The following TRAFD1 variants were observed in gnomAD, a reference collection of about 807,000 sequenced individuals.
TRAFD1 encodes the protein TRAF-type zinc finger domain-containing protein 1.
TRAFD1 carries 38 observed loss-of-function variants against 65.3 expected under a neutral mutation model. The observed-to-expected ratio is 0.58, with a 90% confidence interval of 0.45 to 0.76. The LOEUF is 0.76. Among genes scored for constraint, TRAFD1 ranks in the 30% least tolerant of loss-of-function variants. TRAFD1 has a pLI of 0.00. For missense variants in TRAFD1, 631 were observed against 712.6 expected (o/e 0.89, Z 1.30); for synonymous variants, 223 against 257.2 (o/e 0.87, Z 1.27).
intron 4 of TRAFD1, among the ~76,000 whole-genome samples, chr12:112,136,424 C>T (rs376745318): frequency 2.0e-5 from 3 of 151,668 alleles, no homozygotes; most frequent in Non-Finnish European, 2.9e-5. Context: ...GGGTTATAGG[C>T]GTGCTCTACC....
rs770963554 is a variant in TRAFD1 at position 112,145,627 on chromosome 12, G to A, written c.892G>A (p.Glu298Lys). Residue 298 changes from glutamate to lysine, a missense_variant, in exon 7 of 12, where the codon GAG becomes AAG. By Grantham distance (56) the Glu-to-Lys change is moderately conservative (BLOSUM62 1). Transcript: ENST00000412615. ...CATGTTGCCTTGTGAATTTTGTGAG[G>A]AGCTCTACCCAGAGGAACTGCTGAT... ...EIMLPCEFCE[E>K]LYPEELLIDH... 1 of 1,614,100 alleles carries A rather than the reference G, an allele frequency of 6.2e-7. No homozygotes were observed. The highest frequency in any genetic ancestry group is 8.5e-7 in the Non-Finnish European group (1 of 1,180,020).
intron 6 of TRAFD1, 113 bp from the exon 7 acceptor site, chr12:112,145,473 A>C (rs1477003671): frequency 2.9e-6 from 3 of 1,037,998 alleles, no homozygotes; most frequent in Non-Finnish European, 4.3e-6. Context: ...GCTATCTATA[A>C]GAAACATTAA....
At chr12:112,129,877 T>C (rs954737278) in intron 1 of TRAFD1, among the ~76,000 whole-genome samples, 49 of 152,140 alleles carry the variant, frequency 3.2e-4, no homozygotes, top group African/African-American at 1.2e-3. Flanking sequence ...CTCCTGACCT[T>C]GTGATCTGCC....
rs2030429657 is a variant in TRAFD1, at chr12:112,152,222, TG to T, written c.1619+86del. ...AAGGCCTGGTTACCCTTGCCAGGCC[TG>T]GGGTAAGACTGAGGTACTTGCATGG... On this transcript the variant is annotated intron_variant, in intron 10 of 11. Transcript: ENST00000412615. This position sits in a 1 kb window ranked among gnomAD's most constrained non-coding sequence, Gnocchi z 5.0. 25 of 1,499,864 alleles carry T rather than the reference TG, an allele frequency of 1.7e-5. No homozygotes were observed. In the East Asian group the frequency reaches 5.2e-4, roughly 31 times the overall value. The allele number at this position is 1,499,864 out of a possible 1,614,324, so 92.9% of individuals were successfully genotyped here.
intron 5 of TRAFD1, 146 bp downstream of exon 5, chr12:112,141,370 A>G (rs2030086153): frequency 6.5e-6 from 6 of 923,446 alleles, no homozygotes; most frequent in Middle Eastern, 3.2e-4. Flanking sequence ...CTTTCCTATA[A>G]AATGGAAATA....
chr12:112,148,208 G>A lies in TRAFD1; in HGVS notation c.1062G>A (p.Met354Ile). The A allele has an allele frequency of 6.2e-7, 1 of 1,614,138 alleles. No homozygotes were observed. The highest frequency in any genetic ancestry group is 2.2e-5 in the East Asian group (1 of 44,880). ...CAAGTAACCAGTTAGACTCTTTGAT[G>A]GGCCTGAGCAATTCACACCCTGTGG... ...QAASNQLDSL[M>I]GLSNSHPVEE... Residue 354 changes from methionine (M) to isoleucine (I), a missense_variant, in exon 8 of 12, where the codon ATG becomes ATA. Met to Ile is a conservative substitution (Grantham distance 10). Transcript: ENST00000412615.
chr12:112,142,351 G>A, intron 6 of TRAFD1, 56 bp downstream of exon 6: 1 of 1,526,234 alleles, frequency 6.6e-7, no homozygotes, highest in Non-Finnish European at 8.9e-7. Context: ...TAAGTCTTAG[G>A]TTATACAATT....
At chr12:112,144,780 G>A (rs1188477007) in intron 6 of TRAFD1, among the ~76,000 whole-genome samples, 1 of 152,170 alleles carries the variant, frequency 6.6e-6, no homozygotes, top group Non-Finnish European at 1.5e-5. Context: ...CTACTGGGTA[G>A]GCTGAGGTGG....
At chr12:112,138,902 C>G (rs1474702014) in intron 4 of TRAFD1, among the ~76,000 whole-genome samples, 1 of 151,328 alleles carries the variant, frequency 6.6e-6, no homozygotes, top group Non-Finnish European at 1.5e-5. Flanking sequence ...ATTCTAAATG[C>G]TACTCCAACA....
intron 1 of TRAFD1, among the ~76,000 whole-genome samples, chr12:112,128,676 A>T (rs2079552664): frequency 6.6e-6 from 1 of 152,154 alleles, no homozygotes; most frequent in African/African-American, 2.4e-5. Context: ...GTTCTTGCCA[A>T]AAATATATAA....
At position 112,141,109 on chromosome 12, in the gene TRAFD1, C is replaced by A; in HGVS notation, c.528C>A (p.Asp176Glu). The change falls in exon 5 of 12, where the codon GAC becomes GAA. Residue 176 changes from aspartate to glutamate, a missense_variant. Physicochemically the swap from Asp to Glu is conservative, Grantham distance 45. Transcript: ENST00000412615. ...TCCTCAGACAAATTGAGGCTCTGGA[C>A]CCACCCATGAGGCTGCCGCGAAGGC... is the stretch of plus-strand genomic sequence containing the variant. The part of the protein sequence containing the change: ...SQLLRQIEAL[D>E]PPMRLPRRPL... The A allele has an allele frequency of 6.2e-7, 1 of 1,614,146 alleles. No homozygotes were observed. Among genetic ancestry groups the A allele is most frequent in the Non-Finnish European group, 8.5e-7 (1 of 1,180,024 alleles).
rs1344597183 is a variant in TRAFD1 at position 112,152,084 on chromosome 12, C to T, written c.1563C>T (p.Tyr521=). The change falls in exon 10 of 12, where the codon TAC becomes TAT. Residue 521 remains tyrosine (Y), a synonymous_variant. Coordinates refer to ENST00000412615, the MANE Select transcript of TRAFD1 (RefSeq NM_006700.3). The surrounding 1 kb of genome is among the most constrained non-coding windows in gnomAD (Gnocchi z 5.0). ...VSVIRPPQNL[Y]PENIVPSFSP... is the part of the protein sequence containing the mutation. ...TGATTCGCCCTCCTCAAAATCTCTACCCAGAAAACATTGTGCCCTCTTTCT... is the reference window on the plus strand; with the variant it reads ...TGATTCGCCCTCCTCAAAATCTCTATCCAGAAAACATTGTGCCCTCTTTCT... 1 of 1,614,112 alleles carries T rather than the reference C, an allele frequency of 6.2e-7. No individual in the cohort carries two copies. The highest frequency in any genetic ancestry group is 2.2e-5 in the East Asian group (1 of 44,882).
intron 1 of TRAFD1, among the ~76,000 whole-genome samples, chr12:112,129,158 A>G (rs1373111894): frequency 1.3e-5 from 2 of 149,322 alleles, no homozygotes; most frequent in Admixed American, 6.7e-5. Context: ...GTGATCCTAG[A>G]TTGAATGCTG....
At chr12:112,139,480 G>A (rs1423093315) in intron 4 of TRAFD1, among the ~76,000 whole-genome samples, 1 of 151,318 alleles carries the variant, frequency 6.6e-6, no homozygotes, top group Admixed American at 6.6e-5. Context: ...CTGGAGTGCA[G>A]TGGTGTTATC....
In TRAFD1 at chr12:112,130,485, T is replaced by C. The variant is rs764279792; in HGVS notation, c.-12-26T>C. On this transcript the variant is annotated intron_variant, in intron 1 of 11. Coordinates refer to ENST00000412615, the MANE Select transcript of TRAFD1 (RefSeq NM_006700.3). This position sits in a 1 kb window ranked among gnomAD's most constrained non-coding sequence, Gnocchi z 4.4. ...TTTAAAGCAGAAATGAAAGAGAAAG[T>C]TCATGTCTTCCTTTGTGGTTTTCAG... 3 of 1,593,242 alleles carry C rather than the reference T, an allele frequency of 1.9e-6. No individual in the cohort carries two copies. In the South Asian group the frequency reaches 3.4e-5, roughly 18 times the overall value.
chr12:112,138,522 C>T (rs1395776460), intron 4 of TRAFD1, among the ~76,000 whole-genome samples: 1 of 151,576 alleles, frequency 6.6e-6, no homozygotes, highest in African/African-American at 2.4e-5. Flanking sequence ...TGCACTCCAG[C>T]CTGGGCAACA....
chr12:112,129,047 A>G (rs1392927464), intron 1 of TRAFD1, among the ~76,000 whole-genome samples: 1 of 151,484 alleles, frequency 6.6e-6, no homozygotes, highest in Non-Finnish European at 1.5e-5. Context: ...AAAAAAAAAA[A>G]AAAGCCAGTA....
At chr12:112,134,001 ATTTTTTTTTT>A (rs545753010) in intron 2 of TRAFD1, among the ~76,000 whole-genome samples, 4 of 95,146 alleles carry the variant, frequency 4.2e-5, no homozygotes, top group Non-Finnish European at 6.2e-5. Context: ...AAAGGATTTA[ATTTTTTTTTT>A]TTTTTTTTTT....
chr12:112,141,087 TCAGA>T lies in TRAFD1; in HGVS notation c.509_512del (p.Arg170LysfsTer9). 8 of 1,614,174 alleles carry T rather than the reference TCAGA, an allele frequency of 5.0e-6. No homozygotes were observed. The South Asian group carries it at 5.5e-5, about 11-fold the overall frequency. On this transcript the variant is annotated frameshift_variant, in exon 5 of 12. Coordinates refer to ENST00000412615, the MANE Select transcript of TRAFD1 (RefSeq NM_006700.3). LOFTEE classifies it high-confidence loss of function. ...GGAATCTGGATTGCATCCCAACTCC[TCAGA>T]CAAATTGAGGCTCTGGACCCACCCA...
Sources: allele counts gnomAD v4.1 joint callset (sites outside exome capture counted in the v4.1 genomes callset), GRCh38; gene constraint gnomAD v4.1.1; non-coding constraint Gnocchi (gnomAD v3.1); transcripts MANE v1.5; gene names NCBI Gene and HGNC (gene_info 2026-07-23, HGNC 2026-07-21).